Variants in HSD17B4 observed in about 807,000 individuals in gnomAD.
HSD17B4 encodes the protein hydroxysteroid 17-beta dehydrogenase 4.
A neutral mutation model predicts 101.0 loss-of-function variants in HSD17B4; 70 were observed. The ratio of observed to expected loss-of-function variants is 0.69; its 90% confidence interval spans 0.57 to 0.85. The LOEUF is 0.85. Ranked by LOEUF, HSD17B4 falls within the 40% of genes least tolerant of loss-of-function variation. The pLI is 0.00. For missense variants in HSD17B4, 984 were observed against 892.4 expected (o/e 1.10, Z -1.31); for synonymous variants, 347 against 297.1 (o/e 1.17, Z -1.73).
chr5:119,494,509 GTTC>G (rs1261772041), intron 11 of HSD17B4, among the ~76,000 whole-genome samples: 3 of 151,842 alleles, frequency 2.0e-5, no homozygotes, highest in Non-Finnish European at 4.4e-5. Flanking sequence ...TTCTAACATA[GTTC>G]TTCTACCTTT....
At chr5:119,513,524 C>T (rs902292387) in intron 16 of HSD17B4, among the ~76,000 whole-genome samples, 12 of 152,294 alleles carry the variant, frequency 7.9e-5, no homozygotes, top group African/African-American at 1.4e-4. Flanking sequence ...GCTGGGATTA[C>T]AGGTGCCCGC....
At chr5:119,476,724 G>C (rs1748618891) in intron 6 of HSD17B4, 2 of 985,070 alleles carry the variant, frequency 2.0e-6, no homozygotes, top group Non-Finnish European at 2.4e-6. Context: ...ACGGGACTGA[G>C]GTATTTCCTT....
At chr5:119,482,877 C>T (rs1749268457) in intron 8 of HSD17B4, among the ~76,000 whole-genome samples, 1 of 150,900 alleles carries the variant, frequency 6.6e-6, no homozygotes, top group African/African-American at 2.4e-5. Flanking sequence ...GGGTTGGGAC[C>T]TTCAGAAGAC....
At chr5:119,532,718 C>T (rs1274859119) in intron 22 of HSD17B4, among the ~76,000 whole-genome samples, 3 of 151,796 alleles carry the variant, frequency 2.0e-5, no homozygotes, top group Non-Finnish European at 4.4e-5. Context: ...GGTAAAAAAT[C>T]GGAGGAAATG....
intron 14 of HSD17B4, among the ~76,000 whole-genome samples, chr5:119,506,199 A>G (rs1441290738): frequency 1.3e-5 from 2 of 151,980 alleles, no homozygotes; most frequent in Non-Finnish European, 2.9e-5. Flanking sequence ...CCGGTGTGTG[A>G]TGTTCCCCTC....
At chr5:119,539,354 C>A (rs1754787850) in intron 23 of HSD17B4, among the ~76,000 whole-genome samples, 1 of 144,850 alleles carries the variant, frequency 6.9e-6, no homozygotes, top group Non-Finnish European at 1.5e-5. Flanking sequence ...CCAAACACCG[C>A]ATGTTCTCAC....
intron 19 of HSD17B4, 148 bp downstream of exon 19, chr5:119,526,171 C>A: frequency 1.5e-6 from 1 of 647,918 alleles, no homozygotes. Context: ...AATCAGCACA[C>A]TTTCTTTTTG....
chr5:119,519,030 T>C (rs1161878676), intron 17 of HSD17B4, among the ~76,000 whole-genome samples: 1 of 152,122 alleles, frequency 6.6e-6, no homozygotes, highest in Non-Finnish European at 1.5e-5. Flanking sequence ...TCCCAGCTAC[T>C]CAGGAGGCTG....
chr5:119,511,889 G>A (rs1000728617), intron 16 of HSD17B4, among the ~76,000 whole-genome samples: 10 of 152,144 alleles, frequency 6.6e-5, no homozygotes, highest in African/African-American at 1.4e-4. Flanking sequence ...ATGCATAGAC[G>A]GAAGAAACAA....
At chr5:119,529,004 G>A (rs992665740) in intron 20 of HSD17B4, among the ~76,000 whole-genome samples, 2 of 151,946 alleles carry the variant, frequency 1.3e-5, no homozygotes, top group African/African-American at 2.4e-5. Flanking sequence ...TAACAATAAA[G>A]TAATTTACTG....
chr5:119,515,107 A>G, intron 17 of HSD17B4, 61 bp downstream of exon 17: 1 of 877,854 alleles, frequency 1.1e-6, no homozygotes, highest in Non-Finnish European at 2.0e-6. Context: ...TTTAATTTAT[A>G]GCTCTGATAC....
At chr5:119,468,039 A>G (rs1405163541) in intron 2 of HSD17B4, among the ~76,000 whole-genome samples, 1 of 152,218 alleles carries the variant, frequency 6.6e-6, no homozygotes, top group Non-Finnish European at 1.5e-5. Context: ...TATTCAAGAT[A>G]AATAGGCAAG....
chr5:119,461,800 G>C (rs1044255986), intron 2 of HSD17B4, among the ~76,000 whole-genome samples: 4 of 152,028 alleles, frequency 2.6e-5, no homozygotes, highest in African/African-American at 9.7e-5. Flanking sequence ...CAGGAGGATG[G>C]TTTGAGCCTG....
intron 7 of HSD17B4, 54 bp from the exon 8 acceptor site, chr5:119,478,780 C>T (rs1008741520): frequency 6.9e-7 from 1 of 1,456,202 alleles, no homozygotes. Flanking sequence ...GTTAGAGTTG[C>T]AATGTTATCA....
intron 13 of HSD17B4, among the ~76,000 whole-genome samples, chr5:119,501,351 G>A (rs1351685235): frequency 6.6e-6 from 1 of 150,394 alleles, no homozygotes; most frequent in East Asian, 1.9e-4. Context: ...GGGTTCTGAG[G>A]AAGACTGGTA....
At position 119,502,357 on chromosome 5, in the gene HSD17B4, T is replaced by G. The variant is rs189405757; in HGVS notation, c.1261+265T>G. ...TGTTATTAACAACTGAAAGGAACGT[T>G]CGTGTATGTGCTCTAGACTTAGTGA... On this transcript the variant is annotated intron_variant, in intron 14 of 23. Transcript: ENST00000510025. 2.1e-3 allele frequency among the ~76,000 whole-genome samples: 316 copies of G among 152,282 alleles called. No homozygotes were observed. Among genetic ancestry groups the G allele is most frequent in the Non-Finnish European group, 3.7e-3 (255 of 68,000 alleles).
intron 17 of HSD17B4, among the ~76,000 whole-genome samples, chr5:119,518,733 T>C (rs1366234163): frequency 1.3e-5 from 2 of 152,208 alleles, no homozygotes; most frequent in African/African-American, 4.8e-5. Context: ...ATTAACTAAG[T>C]AACTTTTCAA....
chr5:119,516,071 C>T (rs1345618153), intron 17 of HSD17B4, among the ~76,000 whole-genome samples: 1 of 152,082 alleles, frequency 6.6e-6, no homozygotes, highest in Non-Finnish European at 1.5e-5. Flanking sequence ...CTTATGTTTC[C>T]TAGCAAATAG....
intron 16 of HSD17B4, among the ~76,000 whole-genome samples, chr5:119,510,423 C>T (rs114832270): frequency 0.012 from 1,833 of 152,240 alleles, 16 homozygotes; most frequent in African/African-American, 0.022. Context: ...TTGGATTTCA[C>T]GTTAATCTGG....
Sources: gnomAD v4.1 joint callset for allele counts (sites outside exome capture counted in the v4.1 genomes callset) on GRCh38, gnomAD v4.1.1 for gene constraint, MANE v1.5 for transcripts, NCBI Gene and HGNC (gene_info 2026-07-23, HGNC 2026-07-21) for gene names.